ADGRG2: variants seen among roughly 807,000 people sequenced by gnomAD.
ADGRG2 encodes the protein adhesion G protein-coupled receptor G2, also known as G protein-coupled receptor 64.
ADGRG2 carries 26 observed loss-of-function variants against 74.1 expected under a neutral mutation model. The ratio of observed to expected loss-of-function variants is 0.35; its 90% CI spans 0.26 to 0.49. The LOEUF is 0.49. ADGRG2 is among the 20% of genes least tolerant of loss of function. ADGRG2 has a pLI of 0.99. For synonymous variants in ADGRG2, 296 were observed against 295.2 expected, an observed-to-expected ratio of 1.00 and a Z score of -0.03; for missense variants, 619 against 763.1, an observed-to-expected ratio of 0.81 and a Z score of 2.22.
At chrX:18,999,991 A>ATTTTTT in intron 24 of ADGRG2, 31 bp from the exon 25 acceptor site, 1 of 568,883 alleles carries the variant, frequency 1.8e-6, no homozygotes. Context: ...GTCACACCTA[A>ATTTTTT]TTTTTTTTTT....
chrX:19,005,470 A>G (rs1024677426), intron 22 of ADGRG2, among the ~76,000 whole-genome samples: 1 of 112,092 alleles, frequency 8.9e-6, no homozygotes. Context: ...AAATGTAAAA[A>G]GAGAATGTGA....
chrX:19,049,514 C>A (rs1370000597), intron 3 of ADGRG2, among the ~76,000 whole-genome samples: 4 of 105,632 alleles, frequency 3.8e-5, no homozygotes, highest in Non-Finnish European at 7.7e-5. Context: ...GATGATAGCG[C>A]CTCCACTGAG....
intron 2 of ADGRG2, among the ~76,000 whole-genome samples, chrX:19,080,745 G>A (rs979751771): frequency 6.4e-5 from 7 of 109,993 alleles, no homozygotes; most frequent in Non-Finnish European, 1.1e-4. Context: ...ACCCAGGCTG[G>A]AGTGCAGTGG....
intron 2 of ADGRG2, among the ~76,000 whole-genome samples, chrX:19,080,856 C>A (rs1353659926): frequency 9.1e-6 from 1 of 109,768 alleles, no homozygotes; most frequent in Non-Finnish European, 1.9e-5. Context: ...CCACCATACT[C>A]AGCTAAAGAA....
At chrX:19,034,940 A>C (rs1376324401) in intron 7 of ADGRG2, 1 of 111,663 alleles carries the variant, frequency 9.0e-6, no homozygotes, top group Non-Finnish European at 1.9e-5. Flanking sequence ...TCTCAAAAAA[A>C]AAAAAATCTT....
At chrX:19,060,604 A>C (rs902066396) in intron 3 of ADGRG2, among the ~76,000 whole-genome samples, 3 of 104,495 alleles carry the variant, frequency 2.9e-5, no homozygotes, top group Non-Finnish European at 5.9e-5. Context: ...ACTGGAGTGC[A>C]GTGGTGCAAT....
chrX:19,040,032 A>G (rs1025532621), intron 4 of ADGRG2, among the ~76,000 whole-genome samples, 157 bp downstream of exon 4: 2 of 112,012 alleles, frequency 1.8e-5, no homozygotes, highest in Non-Finnish European at 3.8e-5. Flanking sequence ...CCTCTGGTCT[A>G]TGCTTGCATT....
At chrX:19,107,665 A>T (rs2062330965) in intron 1 of ADGRG2, among the ~76,000 whole-genome samples, 1 of 104,570 alleles carries the variant, frequency 9.6e-6, no homozygotes, top group South Asian at 4.6e-4. Context: ...ATTTCAAAAG[A>T]AATACAGCTG....
chrX:19,011,257 G>T lies in ADGRG2; in HGVS notation c.1100-479C>A, dbSNP rs985762453. Among the ~76,000 whole-genome samples the T allele has an allele frequency of 2.7e-5, 3 of 111,410 alleles. No individual in the cohort carries two copies. The Admixed American group carries it at 2.9e-4, about 11-fold the overall frequency. Reference sequence around the variant, plus strand: ...GGTGAGGGGATTAGGTTTTGACTTCGAAGGGACACAAGGGAACTTTGGGAG... The same window carrying T: ...GGTGAGGGGATTAGGTTTTGACTTCTAAGGGACACAAGGGAACTTTGGGAG... On this transcript the variant is annotated intron_variant, in intron 16 of 28. Transcript: ENST00000379869.
rs142447467 is a variant in ADGRG2, at chrX:19,086,849, C to T, written c.-46-4103G>A. ...CATTAGTGACCTAGACCGACAGGCA[C>T]AGACTGGCTCGAAGTTCCTGGCAAT... On this transcript the variant is annotated intron_variant, in intron 1 of 28. Coordinates refer to ENST00000379869, the MANE Select transcript of ADGRG2 (RefSeq NM_001079858.3). Among the ~76,000 whole-genome samples, 161 of 111,790 alleles carry T rather than the reference C, an allele frequency of 1.4e-3. 1 individual carries two copies. Among genetic ancestry groups the T allele is most frequent in the African/African-American group, 5.1e-3 (157 of 30,777 alleles).
chrX:18,993,670 C>G (rs1316511441), intron 28 of ADGRG2, among the ~76,000 whole-genome samples: 1 of 99,187 alleles, frequency 1.0e-5, no homozygotes, highest in Non-Finnish European at 2.0e-5. Context: ...AATAGGAGAC[C>G]TTGTCATAAA....
chrX:19,004,949 G>A, intron 22 of ADGRG2, 70 bp from the exon 23 acceptor site: 2 of 824,782 alleles, frequency 2.4e-6, no homozygotes, highest in Non-Finnish European at 3.4e-6. Flanking sequence ...GATGTATCAA[G>A]TATTCTAGGG....
rs191232608 is a variant in ADGRG2, at chrX:19,024,288, G to A, written c.471-340C>T. Reference sequence around the variant, plus strand: ...GAGCTAGCCCCAGGCAAAAATTTTCGAGAGGGGCAGGCCACTCACCCTGGG... The same window carrying A: ...GAGCTAGCCCCAGGCAAAAATTTTCAAGAGGGGCAGGCCACTCACCCTGGG... On this transcript the variant is annotated intron_variant, in intron 11 of 28. Transcript: ENST00000379869. 3.8e-3 allele frequency among the ~76,000 whole-genome samples: 418 copies of A among 110,952 alleles called. 3 individuals carry two copies. Among genetic ancestry groups the A allele is most frequent in the African/African-American group, 0.012 (378 of 30,550 alleles).
At chrX:19,070,595 C>T (rs780966974) in intron 2 of ADGRG2, among the ~76,000 whole-genome samples, 36 of 111,784 alleles carry the variant, frequency 3.2e-4, no homozygotes, top group Non-Finnish European at 5.7e-4. Flanking sequence ...AAGGGGGTGG[C>T]GAGAGCCAAC....
intron 9 of ADGRG2, among the ~76,000 whole-genome samples, chrX:19,030,509 CA>C (rs1231205987): frequency 1.8e-5 from 2 of 112,053 alleles, no homozygotes; most frequent in Non-Finnish European, 3.8e-5. Context: ...AATTAGCATC[CA>C]CTTAAACTAG....
At chrX:19,046,710 A>G (rs994224995) in intron 3 of ADGRG2, among the ~76,000 whole-genome samples, 3 of 111,776 alleles carry the variant, frequency 2.7e-5, no homozygotes, top group Admixed American at 9.5e-5. Flanking sequence ...GGGGGGAGGT[A>G]ATATTACCAG....
intron 3 of ADGRG2, among the ~76,000 whole-genome samples, chrX:19,066,944 T>C (rs2061578677): frequency 8.9e-6 from 1 of 111,776 alleles, no homozygotes; most frequent in Non-Finnish European, 1.9e-5. Flanking sequence ...AATTTCCATA[T>C]GGTTGTACCT....
intron 1 of ADGRG2, among the ~76,000 whole-genome samples, chrX:19,089,378 C>T (rs899530088): frequency 5.4e-5 from 6 of 111,122 alleles, no homozygotes; most frequent in Admixed American, 1.9e-4. Flanking sequence ...GCACAACAAA[C>T]CCCCATGACA....
At position 19,001,418 on chromosome X, in the gene ADGRG2, C is replaced by A. The variant is rs979075234; in HGVS notation, c.2230+1428G>T. 5.4e-5 allele frequency among the ~76,000 whole-genome samples: 6 copies of A among 112,000 alleles called. No individual in the cohort carries two copies. In the Admixed American group the frequency reaches 5.7e-4, roughly 11 times the overall value. ...AGAACAAACAATTCCTTGTCACAGACCAGTTGCAGTGCCTGGTAAAATCAA... is the reference window on the plus strand; with the variant it reads ...AGAACAAACAATTCCTTGTCACAGAACAGTTGCAGTGCCTGGTAAAATCAA... On this transcript the variant is annotated intron_variant, in intron 24 of 28. Coordinates refer to ENST00000379869, the MANE Select transcript of ADGRG2 (RefSeq NM_001079858.3).
Sources: allele counts gnomAD v4.1 joint callset (sites outside exome capture counted in the v4.1 genomes callset), GRCh38; gene constraint gnomAD v4.1.1; transcripts MANE v1.5; gene names NCBI Gene and HGNC (gene_info 2026-07-23, HGNC 2026-07-21).